Variants in PCDHGB3 observed in about 807,000 individuals in gnomAD.
The protein encoded by PCDHGB3 is protocadherin gamma-B3.
A neutral mutation model predicts 59.2 loss-of-function variants in PCDHGB3; 40 were observed. That is an observed-to-expected ratio of 0.68 (90% CI 0.52 to 0.88). PCDHGB3 has a LOEUF of 0.88. Ranked by LOEUF, PCDHGB3 falls within the 40% of genes least tolerant of loss-of-function variation. The pLI is 0.00. For synonymous variants in PCDHGB3, 581 were observed against 503.6 expected (o/e 1.15, Z -2.06); for missense variants, 1,309 against 1,187.9 (o/e 1.10, Z -1.50).
At chr5:141,404,492 C>T (rs770295078) in intron 1 of PCDHGB3, 1 of 1,613,668 alleles carries the variant, frequency 6.2e-7, no homozygotes, top group African/African-American at 1.3e-5. Context: ...CACTGGTGTG[C>T]TGTATGCTCT....
At chr5:141,448,139 C>A (rs1486636157) in intron 1 of PCDHGB3, among the ~76,000 whole-genome samples, 1 of 151,884 alleles carries the variant, frequency 6.6e-6, no homozygotes, top group African/African-American at 2.4e-5. Context: ...CCTCACTATA[C>A]CTCAGACTCA....
chr5:141,410,415 T>C (rs1589759810), intron 1 of PCDHGB3: 1 of 1,614,066 alleles, frequency 6.2e-7, no homozygotes. Flanking sequence ...TCTGGACCTG[T>C]AGTTCCCCCC....
rs764056952 is a variant in PCDHGB3 at position 141,405,326 on chromosome 5, T to G, written c.2415+32517T>G. On this transcript the variant is annotated intron_variant, in intron 1 of 3. Transcript: ENST00000576222. ...GAGCTGTGAGAAAAATGAGCCTTTG[T>G]GCGTCTCTGTTGATTCCAAGTTTCC... The G allele has an allele frequency of 2.5e-6, 4 of 1,614,220 alleles. No individual in the cohort carries two copies. Among genetic ancestry groups the G allele is most frequent in the Admixed American group, 3.3e-5 (2 of 60,026 alleles).
chr5:141,423,868 T>G (rs2154550529), intron 1 of PCDHGB3: 1 of 1,283,788 alleles, frequency 7.8e-7, no homozygotes, highest in East Asian at 3.1e-5. Flanking sequence ...GTGAAAGTCA[T>G]TTTTCAATCT....
intron 1 of PCDHGB3, chr5:141,422,676 A>C (rs1245488589): frequency 6.2e-7 from 1 of 1,606,500 alleles, no homozygotes; most frequent in Admixed American, 1.7e-5. Flanking sequence ...CGGACAGCAA[A>C]CAGAATGCCC....
intron 1 of PCDHGB3, chr5:141,419,533 C>A: frequency 6.2e-7 from 1 of 1,612,106 alleles, no homozygotes; most frequent in Non-Finnish European, 8.5e-7. Flanking sequence ...GTAACGACAA[C>A]GCACCGCGGG....
At chr5:141,459,442 A>G (rs2098968073) in intron 1 of PCDHGB3, among the ~76,000 whole-genome samples, 1 of 152,198 alleles carries the variant, frequency 6.6e-6, no homozygotes, top group South Asian at 2.1e-4. Context: ...CATTCATTCA[A>G]CTGTTGGTGG....
intron 1 of PCDHGB3, chr5:141,408,445 C>T (rs759314379): frequency 2.5e-6 from 4 of 1,613,846 alleles, no homozygotes; most frequent in Admixed American, 1.7e-5. Flanking sequence ...ACGCGGAGAG[C>T]GGGGACTTAC....
At chr5:141,407,032 CAT>C (rs2094880022) in intron 1 of PCDHGB3, among the ~76,000 whole-genome samples, 1 of 152,174 alleles carries the variant, frequency 6.6e-6, no homozygotes, top group African/African-American at 2.4e-5. Flanking sequence ...CTATGCTAAA[CAT>C]GTGATCCATA....
rs1768364404 is a variant in PCDHGB3 at position 141,372,062 on chromosome 5, C to A, written c.1668C>A (p.Asn556Lys). 2 of 1,613,470 alleles carry A rather than the reference C, an allele frequency of 1.2e-6. No individual in the cohort carries two copies. Among genetic ancestry groups the A allele is most frequent in the Non-Finnish European group, 1.7e-6 (2 of 1,179,828 alleles). The change falls in exon 1 of 4, where the codon AAC becomes AAA. Residue 556 changes from asparagine to lysine, a missense_variant. Asn to Lys is a moderately conservative substitution (Grantham distance 94). Transcript: ENST00000576222. ...VSLRVLVDDRNDNAPLVLYPA... is the reference protein window; with the variant it reads ...VSLRVLVDDRKDNAPLVLYPA... ...TGCGCGTGTTGGTGGACGACCGCAACGACAATGCACCGCTGGTGCTGTACC... is the reference window on the plus strand; with the variant it reads ...TGCGCGTGTTGGTGGACGACCGCAAAGACAATGCACCGCTGGTGCTGTACC...
At chr5:141,466,027 CAGG>C (rs1174989171) in intron 1 of PCDHGB3, among the ~76,000 whole-genome samples, 1 of 151,890 alleles carries the variant, frequency 6.6e-6, no homozygotes, top group African/African-American at 2.4e-5. Context: ...GAGGGTGAGG[CAGG>C]AGAACGGCAT....
intron 1 of PCDHGB3, chr5:141,385,778 T>C (rs2150299874): frequency 6.2e-6 from 1 of 161,798 alleles, no homozygotes; most frequent in East Asian, 1.9e-4. Context: ...TGCCTCCATG[T>C]ACCTCAGCTT....
intron 1 of PCDHGB3, chr5:141,430,941 A>G: frequency 6.2e-7 from 1 of 1,608,258 alleles, no homozygotes; most frequent in Non-Finnish European, 8.5e-7. Context: ...GAGCTCGCGG[A>G]GCGCGGAGTC....
chr5:141,408,694 A>T (rs2095152952), intron 1 of PCDHGB3: 1 of 1,613,772 alleles, frequency 6.2e-7, no homozygotes, highest in African/African-American at 1.3e-5. Flanking sequence ...ATATAAACAT[A>T]AACTCAATTA....
At chr5:141,375,457 A>T in intron 1 of PCDHGB3, 1 of 1,613,816 alleles carries the variant, frequency 6.2e-7, no homozygotes, top group East Asian at 2.2e-5. Flanking sequence ...CATCCTACTC[A>T]GTCTATGTCC....
chr5:141,430,996 G>T, intron 1 of PCDHGB3: 1 of 1,614,024 alleles, frequency 6.2e-7, no homozygotes, highest in Middle Eastern at 1.6e-4. Flanking sequence ...CCCTGAATCC[G>T]CGCAGCGGCA....
chr5:141,406,906 C>T (rs1186250719), intron 1 of PCDHGB3, among the ~76,000 whole-genome samples: 1 of 152,048 alleles, frequency 6.6e-6, no homozygotes, highest in Non-Finnish European at 1.5e-5. Flanking sequence ...CTGTTTTTAG[C>T]TATAAGGAAG....
At chr5:141,506,172 TG>T (rs2099850913) in intron 3 of PCDHGB3, among the ~76,000 whole-genome samples, 1 of 152,128 alleles carries the variant, frequency 6.6e-6, no homozygotes, top group South Asian at 2.1e-4. Flanking sequence ...CAGCCTAAGC[TG>T]GGCGTGGTGG....
intron 1 of PCDHGB3, among the ~76,000 whole-genome samples, chr5:141,443,905 A>G (rs963772369): frequency 6.6e-6 from 1 of 152,204 alleles, no homozygotes; most frequent in Admixed American, 6.5e-5. Context: ...TAGTAGGAAA[A>G]TTCATAAAAG....
Sources: gnomAD v4.1 joint callset for allele counts (sites outside exome capture counted in the v4.1 genomes callset) on GRCh38, gnomAD v4.1.1 for gene constraint, MANE v1.5 for transcripts, NCBI Gene and HGNC (gene_info 2026-07-23, HGNC 2026-07-21) for gene names.